PTCH1: variants seen among roughly 807,000 people sequenced by gnomAD.
PTCH1 encodes the protein patched 1, also known as protein patched homolog 1.
In PTCH1, 14 loss-of-function variants were observed where a neutral mutation model predicts 144.6. That is an observed-to-expected ratio of 0.10 (90% confidence interval 0.06 to 0.15). PTCH1 has a LOEUF of 0.15. Among genes scored for constraint, PTCH1 ranks in the 10% least tolerant of loss-of-function variants. PTCH1 has a pLI of 1.00. For missense variants in PTCH1, 1,623 were observed against 1,948.3 expected, an observed-to-expected ratio of 0.83 and a Z score of 3.14; for synonymous variants, 833 against 793.6, an observed-to-expected ratio of 1.05 and a Z score of -0.83.
At chr9:95,455,224 C>T (rs943011581) in intron 19 of PTCH1, among the ~76,000 whole-genome samples, 4 of 152,158 alleles carry the variant, frequency 2.6e-5, no homozygotes, top group Admixed American at 1.3e-4. Context: ...CCTTCCAAAA[C>T]ACAAAAGTTT....
chr9:95,447,063 C>CAG lies in PTCH1; in HGVS notation c.4191_4192dup (p.Cys1398SerfsTer55), dbSNP rs749622879. On this transcript the variant is annotated frameshift_variant, in exon 23 of 24. Coordinates refer to ENST00000331920, the MANE Select transcript of PTCH1 (RefSeq NM_000264.5). LOFTEE classifies it high-confidence loss of function. ...GTGGTCAGTCTCAGGGTAGCCTGGG[C>CAG]AGAGTCCCCCTCGGGGGTTCCGCCC... 5 of 1,614,112 alleles carry CAG rather than the reference C, an allele frequency of 3.1e-6. No individual in the cohort carries two copies. Among genetic ancestry groups the CAG allele is most frequent in the Non-Finnish European group, 3.4e-6 (4 of 1,180,026 alleles).
At chr9:95,504,608 A>G (rs1300672756) in intron 2 of PTCH1, among the ~76,000 whole-genome samples, 3 of 151,840 alleles carry the variant, frequency 2.0e-5, no homozygotes, top group Non-Finnish European at 2.9e-5. Context: ...CCCTGTCCTC[A>G]TGCCCTATTC....
chr9:95,459,885 A>G (rs1302761656), intron 16 of PTCH1, 102 bp from the exon 17 acceptor site: 6 of 1,258,634 alleles, frequency 4.8e-6, no homozygotes, highest in Non-Finnish European at 5.7e-6. Context: ...GCATTACAAC[A>G]AAGAATAGAA....
intron 2 of PTCH1, 177 bp downstream of exon 2, chr9:95,506,230 C>G (rs1486699681): frequency 1.4e-6 from 1 of 694,684 alleles, no homozygotes. Context: ...TACAGCGCGG[C>G]CTTTGTCGGG....
intron 20 of PTCH1, chr9:95,452,539 A>C (rs1389938112): frequency 6.6e-6 from 1 of 152,226 alleles, no homozygotes; most frequent in South Asian, 2.1e-4. Context: ...CTGCTCAAAG[A>C]AGCAAGTGGT....
intron 12 of PTCH1, among the ~76,000 whole-genome samples, chr9:95,471,089 A>G (rs1279137704): frequency 8.3e-6 from 1 of 119,962 alleles, no homozygotes; most frequent in African/African-American, 3.6e-5. Flanking sequence ...TCTCAAAAAA[A>G]AAAAAGAAAG....
At chr9:95,481,256 T>G (rs1488892404) in intron 5 of PTCH1, among the ~76,000 whole-genome samples, 1 of 152,210 alleles carries the variant, frequency 6.6e-6, no homozygotes, top group Non-Finnish European at 1.5e-5. Flanking sequence ...ACAAAACCCC[T>G]TATTTCCCAT....
At chr9:95,494,175 T>TC in intron 2 of PTCH1, 1 of 983,730 alleles carries the variant, frequency 1.0e-6, no homozygotes, top group Non-Finnish European at 1.2e-6. Flanking sequence ...GAAGCAAGCT[T>TC]CCCCGCCCCC....
Position 95,446,958 on chromosome 9 carries a change from T to A in PTCH1, c.4298A>T (p.Gln1433Leu), listed in dbSNP as rs772802013. The A allele has an allele frequency of 1.2e-6, 2 of 1,614,226 alleles. No individual in the cohort carries two copies. The highest frequency in any genetic ancestry group is 8.5e-7 in the Non-Finnish European group (1 of 1,180,042). ...RDSKVEVIEL[Q>L]DVECEERPRG... is the part of the protein sequence containing the mutation. ...GGGCCTCTCCTCGCATTCCACGTCCTGCAGCTCAATGACTTCCACCTTCGA... is the reference window on the plus strand; with the variant it reads ...GGGCCTCTCCTCGCATTCCACGTCCAGCAGCTCAATGACTTCCACCTTCGA... The change falls in exon 23 of 24, where the codon CAG (glutamine) becomes CTG (leucine). Residue 1433 changes from glutamine (Q) to leucine (L), a missense_variant. Physicochemically the swap from Gln to Leu is moderately radical, Grantham distance 113 (BLOSUM62 -2). This residue lies in a region of PTCH1 where 291 missense variants were observed against 287.4 expected (regional missense o/e 1.01). Coordinates refer to ENST00000331920, the MANE Select transcript of PTCH1 (RefSeq NM_000264.5).
chr9:95,460,490 C>G (rs1839365652), intron 16 of PTCH1, among the ~76,000 whole-genome samples: 1 of 152,104 alleles, frequency 6.6e-6, no homozygotes, highest in South Asian at 2.1e-4. Context: ...TAGAAAAATT[C>G]CGTTTCCTGT....
chr9:95,446,760 C>G, intron 23 of PTCH1, 151 bp downstream of exon 23: 4 of 989,282 alleles, frequency 4.0e-6, no homozygotes, highest in Non-Finnish European at 4.6e-6. Context: ...GACACATCAG[C>G]CTTGCTCTGG....
chr9:95,485,590 C>A (rs1240389256), intron 3 of PTCH1, 95 bp downstream of exon 3: 10 of 1,466,064 alleles, frequency 6.8e-6, no homozygotes, highest in Non-Finnish European at 9.5e-6. Flanking sequence ...ATTTCCAGGG[C>A]AACTTCATTT....
intron 12 of PTCH1, among the ~76,000 whole-genome samples, chr9:95,475,463 G>C (rs546518085): frequency 4.6e-5 from 7 of 152,130 alleles, no homozygotes; most frequent in African/African-American, 1.7e-4. Context: ...TTAGGAAAGG[G>C]AGGTGGAAAG....
At chr9:95,490,556 C>CACACACACACACAA (rs745936852) in intron 2 of PTCH1, among the ~76,000 whole-genome samples, 1 of 141,056 alleles carries the variant, frequency 7.1e-6, no homozygotes. Flanking sequence ...CACACACACA[C>CACACACACACACAA]AAAAGAAAGA....
intron 3 of PTCH1, among the ~76,000 whole-genome samples, chr9:95,484,547 G>T (rs1841827879): frequency 6.6e-6 from 1 of 152,148 alleles, no homozygotes; most frequent in African/African-American, 2.4e-5. Flanking sequence ...GGTTCTCCCT[G>T]GCTGCTGAAT....
rs200321717 is a variant in PTCH1 at position 95,469,097 on chromosome 9, T to C, written c.1904A>G (p.Asp635Gly). 6.2e-7 allele frequency: 1 copy of C among 1,613,942 alleles called. No homozygotes were observed. The highest frequency in any genetic ancestry group is 2.2e-5 in the East Asian group (1 of 44,872). The change falls in exon 14 of 24, where the codon GAC becomes GGC. Residue 635 changes from aspartate to glycine, a missense_variant. Asp to Gly is a moderately conservative substitution (Grantham distance 94, BLOSUM62 -1). Around this residue, in one of 7 missense-constraint regions of PTCH1, gnomAD observed 179 missense variants for 165.7 expected, o/e 1.08. Coordinates refer to ENST00000331920, the MANE Select transcript of PTCH1 (RefSeq NM_000264.5). ...AGGTGGGGGGCTGTAGCGGGTATTG[T>C]CGTGTGTGTCGGTGTAGGCCTGAGG... ...VEPQAYTDTH[D>G]NTRYSPPPPY...
intron 2 of PTCH1, among the ~76,000 whole-genome samples, chr9:95,494,638 G>T (rs1052702486): frequency 5.3e-5 from 8 of 152,192 alleles, no homozygotes; most frequent in African/African-American, 1.9e-4. Context: ...CAGGAAGTGG[G>T]CGGGCCCAGA....
At chr9:95,457,300 T>C (rs1839027579) in intron 18 of PTCH1, among the ~76,000 whole-genome samples, 1 of 152,190 alleles carries the variant, frequency 6.6e-6, no homozygotes, top group Non-Finnish European at 1.5e-5. Context: ...ACAACATCAA[T>C]TGCTAAGTGC....
At chr9:95,472,378 A>G (rs567403441) in intron 12 of PTCH1, among the ~76,000 whole-genome samples, 27 of 152,130 alleles carry the variant, frequency 1.8e-4, no homozygotes, top group African/African-American at 6.5e-4. Context: ...GTTTTGTGAG[A>G]TCTGGTCCCT....
Sources: allele counts gnomAD v4.1 joint callset (sites outside exome capture counted in the v4.1 genomes callset), GRCh38; gene constraint gnomAD v4.1.1; regional missense constraint gnomAD v4.1.1; transcripts MANE v1.5; gene names NCBI Gene and HGNC (gene_info 2026-07-23, HGNC 2026-07-21).